The following FAM171B variants were observed in gnomAD, a reference collection of about 807,000 sequenced individuals.
FAM171B encodes family with sequence similarity 171 member B.
A neutral mutation model predicts 75.6 loss-of-function variants in FAM171B; 19 were observed. The observed-to-expected ratio is 0.25, with a 90% CI of 0.18 to 0.37. FAM171B has a LOEUF of 0.37. Ranked by LOEUF, FAM171B falls within the 10% of genes least tolerant of loss-of-function variation. FAM171B has a pLI of 1.00. For missense variants in FAM171B, 848 were observed against 982.4 expected (o/e 0.86, Z 1.83); for synonymous variants, 367 against 361.7 (o/e 1.01, Z -0.17).
chr2:186,758,961 C>T (rs1017833975), intron 6 of FAM171B, among the ~76,000 whole-genome samples: 15 of 152,094 alleles, frequency 9.9e-5, no homozygotes, highest in African/African-American at 3.6e-4. Flanking sequence ...CCACACTACC[C>T]TTCCCAGCCT....
intron 1 of FAM171B, among the ~76,000 whole-genome samples, chr2:186,707,318 A>G (rs1048468967): frequency 9.2e-5 from 14 of 152,180 alleles, no homozygotes; most frequent in Non-Finnish European, 1.5e-4. Context: ...ATCTATCAGC[A>G]AACTCCGTTT....
At chr2:186,723,040 A>C (rs1374264495) in intron 1 of FAM171B, among the ~76,000 whole-genome samples, 3 of 152,222 alleles carry the variant, frequency 2.0e-5, no homozygotes, top group Non-Finnish European at 4.4e-5. Flanking sequence ...GAGATGATAT[A>C]GTCGTCTCCA....
chr2:186,750,351 C>T lies in FAM171B; in HGVS notation c.725-783C>T, dbSNP rs992203437. On this transcript the variant is annotated intron_variant, in intron 4 of 7. Transcript: ENST00000304698. Reference sequence around the variant, plus strand: ...AGATAGTTCCTGATATTTAAGAAAGCGTACTGTAAATTGTATTAGTAAATC... The same window carrying T: ...AGATAGTTCCTGATATTTAAGAAAGTGTACTGTAAATTGTATTAGTAAATC... 4.6e-5 allele frequency among the ~76,000 whole-genome samples: 7 copies of T among 152,264 alleles called. No individual in the cohort carries two copies. The South Asian group carries it at 6.2e-4, about 14-fold the overall frequency.
intron 1 of FAM171B, among the ~76,000 whole-genome samples, chr2:186,702,290 C>G (rs564587653): frequency 6.6e-6 from 1 of 152,278 alleles, no homozygotes; most frequent in African/African-American, 2.4e-5. Context: ...GCACTTGTAA[C>G]ACAATTTTAA....
At chr2:186,727,692 C>T (rs752968024) in intron 1 of FAM171B, among the ~76,000 whole-genome samples, 3 of 152,060 alleles carry the variant, frequency 2.0e-5, no homozygotes, top group South Asian at 2.1e-4. Context: ...AGGGAGGTGA[C>T]GGTCAGATCT....
At chr2:186,740,161 A>AT (rs1690266592) in intron 1 of FAM171B, 67 bp from the exon 2 acceptor site, 7 of 1,129,516 alleles carry the variant, frequency 6.2e-6, no homozygotes, top group Non-Finnish European at 9.2e-6. Flanking sequence ...GTTGAATGAC[A>AT]TTTAAAGACT....
intron 1 of FAM171B, among the ~76,000 whole-genome samples, chr2:186,719,597 C>T (rs114884061): frequency 0.012 from 1,822 of 152,214 alleles, 37 homozygotes; most frequent in African/African-American, 0.042. Context: ...GCTAAGTTAA[C>T]GGAAAATATA....
chr2:186,704,727 G>A (rs1689710716), intron 1 of FAM171B, among the ~76,000 whole-genome samples: 1 of 152,184 alleles, frequency 6.6e-6, no homozygotes, highest in Admixed American at 6.5e-5. Context: ...TCAAAAGAAT[G>A]TGTATTTTAA....
chr2:186,736,604 T>G (rs1169983418), intron 1 of FAM171B, among the ~76,000 whole-genome samples: 1 of 146,628 alleles, frequency 6.8e-6, no homozygotes. Context: ...GAATAGTGTT[T>G]GGATAACATT....
intron 1 of FAM171B, among the ~76,000 whole-genome samples, chr2:186,703,183 G>A (rs1689687996): frequency 1.3e-5 from 2 of 151,946 alleles, no homozygotes; most frequent in African/African-American, 4.8e-5. Flanking sequence ...GGGTTCAAGC[G>A]ATTCTCATGC....
At chr2:186,722,670 G>A (rs190343608) in intron 1 of FAM171B, among the ~76,000 whole-genome samples, 1 of 152,272 alleles carries the variant, frequency 6.6e-6, no homozygotes, top group African/African-American at 2.4e-5. Flanking sequence ...CGGTGGCATA[G>A]GGCATAGATA....
intron 1 of FAM171B, among the ~76,000 whole-genome samples, chr2:186,710,254 C>T (rs1303021085): frequency 6.6e-6 from 1 of 152,162 alleles, no homozygotes; most frequent in East Asian, 1.9e-4. Context: ...GGGCTCTAGC[C>T]CAGTGTTCTC....
At position 186,743,827 on chromosome 2, in the gene FAM171B, GTTC is replaced by G. The variant is rs576950718; in HGVS notation, c.565+258_565+260del. ...AACAGGCACACTGTAGAGAACTTCT[GTTC>G]TTCTTTCCAAATCACATTTCTTACT... On this transcript the variant is annotated intron_variant, in intron 3 of 7. Transcript: ENST00000304698. 8.0e-4 allele frequency among the ~76,000 whole-genome samples: 122 copies of G among 152,230 alleles called. 2 individuals are homozygous for G. Among genetic ancestry groups the G allele is most frequent in the Non-Finnish European group, 4.6e-4 (31 of 68,028 alleles).
intron 3 of FAM171B, 127 bp from the exon 4 acceptor site, chr2:186,746,965 C>A: frequency 1.5e-6 from 1 of 674,132 alleles, no homozygotes; most frequent in Non-Finnish European, 2.4e-6. Flanking sequence ...AAAATAATTA[C>A]ATGAGAAGAT....
At chr2:186,722,828 C>A (rs946522868) in intron 1 of FAM171B, among the ~76,000 whole-genome samples, 3 of 152,138 alleles carry the variant, frequency 2.0e-5, no homozygotes, top group African/African-American at 7.2e-5. Context: ...TGAGTTCAGT[C>A]TTACCCCATT....
chr2:186,742,213 A>G (rs1353636925), intron 2 of FAM171B, among the ~76,000 whole-genome samples: 3 of 152,140 alleles, frequency 2.0e-5, no homozygotes, highest in East Asian at 3.8e-4. Flanking sequence ...CACCATGGGT[A>G]TTACATCCCA....
At chr2:186,750,259 A>G (rs1690432581) in intron 4 of FAM171B, among the ~76,000 whole-genome samples, 2 of 152,196 alleles carry the variant, frequency 1.3e-5, no homozygotes, top group Admixed American at 1.3e-4. Flanking sequence ...TGGCATTGCT[A>G]ATATTTCAAA....
At chr2:186,697,331 C>T (rs1187160683) in intron 1 of FAM171B, among the ~76,000 whole-genome samples, 1 of 151,998 alleles carries the variant, frequency 6.6e-6, no homozygotes. Flanking sequence ...GTGATCATGG[C>T]TCAAGTCAGT....
intron 3 of FAM171B, among the ~76,000 whole-genome samples, chr2:186,746,889 A>C (rs1690372317): frequency 6.6e-6 from 1 of 152,256 alleles, no homozygotes. Flanking sequence ...TCTGGGCAGC[A>C]GAATCAATCA....
Sources: gnomAD v4.1 joint callset for allele counts (sites outside exome capture counted in the v4.1 genomes callset) on GRCh38, gnomAD v4.1.1 for gene constraint, MANE v1.5 for transcripts, NCBI Gene and HGNC (gene_info 2026-07-23, HGNC 2026-07-21) for gene names.